The following MAP3K15 variants were observed in gnomAD, a reference collection of about 807,000 sequenced individuals.
MAP3K15 encodes MAPK/ERK kinase kinase 15.
A neutral mutation model predicts 99.5 loss-of-function variants in MAP3K15; 124 were observed. That is an observed-to-expected ratio of 1.25 (90% CI 1.08 to 1.45). MAP3K15 has a LOEUF of 1.45. Among genes scored for constraint, MAP3K15 ranks in the 40% most tolerant of loss-of-function variants. The pLI, the probability that MAP3K15 is intolerant of heterozygous loss-of-function variation, is 0.00. For synonymous variants in MAP3K15, 494 were observed against 439.6 expected, an observed-to-expected ratio of 1.12 and a Z score of -1.55; for missense variants, 1,242 against 1,079.7, an observed-to-expected ratio of 1.15 and a Z score of -2.11.
intron 18 of MAP3K15, among the ~76,000 whole-genome samples, chrX:19,385,980 C>G (rs970116947): frequency 7.1e-5 from 8 of 111,955 alleles, no homozygotes; most frequent in African/African-American, 9.7e-5. Context: ...GAACAGCTAA[C>G]AGAGAGAGAT....
At chrX:19,474,848 T>C (rs184667617) in intron 3 of MAP3K15, among the ~76,000 whole-genome samples, 218 of 111,285 alleles carry the variant, frequency 2.0e-3, no homozygotes, top group Non-Finnish European at 3.2e-3. Context: ...TAATTATATA[T>C]AACTTTAAAA....
chrX:19,372,873 G>T (rs1484280864), intron 21 of MAP3K15, 46 bp from the exon 22 acceptor site: 1 of 1,143,644 alleles, frequency 8.7e-7, no homozygotes, highest in East Asian at 3.0e-5. Context: ...CCGGGGCACT[G>T]TCCCTGGGAG....
rs370305346 is a variant in MAP3K15 at position 19,370,953 on chromosome X, G to A, written c.3400+6C>T. 1.5e-5 allele frequency: 18 copies of A among 1,175,101 alleles called. No individual in the cohort carries two copies. Among genetic ancestry groups the A allele is most frequent in the Middle Eastern group, 2.3e-4 (1 of 4,256 alleles). On this transcript the variant is annotated splice_donor_region_variant and intron_variant, in intron 24 of 28. Transcript: ENST00000338883. ...AGCTGACCTTGACCACAAAGGGGGCGCTCACCTGGGATGAGAATGGTGACC... is the reference window on the plus strand; with the variant it reads ...AGCTGACCTTGACCACAAAGGGGGCACTCACCTGGGATGAGAATGGTGACC...
chrX:19,436,110 C>T (rs1260158259), intron 6 of MAP3K15, among the ~76,000 whole-genome samples: 1 of 105,182 alleles, frequency 9.5e-6, no homozygotes, highest in African/African-American at 3.5e-5. Flanking sequence ...ACCGAGATCG[C>T]ACCATTGTCC....
chrX:19,387,524 C>T (rs1034175406), intron 18 of MAP3K15, among the ~76,000 whole-genome samples: 1 of 110,476 alleles, frequency 9.1e-6, no homozygotes. Flanking sequence ...GTAGCTGAGA[C>T]TACAAGTGCG....
At chrX:19,460,230 C>T in intron 4 of MAP3K15, 77 bp from the exon 5 acceptor site, 2 of 766,848 alleles carry the variant, frequency 2.6e-6, no homozygotes, top group Non-Finnish European at 3.6e-6. Context: ...AAATGGTTCT[C>T]ATTGACCTGA....
At position 19,437,723 on chromosome X, in the gene MAP3K15, G is replaced by C. The variant is rs990255819; in HGVS notation, c.996-6115C>G. Among the ~76,000 whole-genome samples, 4 of 111,532 alleles carry C rather than the reference G, an allele frequency of 3.6e-5. No individual in the cohort carries two copies. The East Asian group carries it at 1.1e-3, about 31-fold the overall frequency. On this transcript the variant is annotated intron_variant, in intron 6 of 28. Coordinates refer to ENST00000338883, the MANE Select transcript of MAP3K15 (RefSeq NM_001001671.4). ...AGAATGCAAGCTCCGAGAGGGTGGAGACTTTTTGGGTCTGATTTGTTAACT... is the reference window on the plus strand; with the variant it reads ...AGAATGCAAGCTCCGAGAGGGTGGACACTTTTTGGGTCTGATTTGTTAACT...
At chrX:19,428,694 T>G (rs1839726070) in intron 7 of MAP3K15, among the ~76,000 whole-genome samples, 1 of 111,915 alleles carries the variant, frequency 8.9e-6, no homozygotes, top group Non-Finnish European at 1.9e-5. Context: ...AGGCCGGGTG[T>G]GGTGGCTCAC....
At chrX:19,361,787 C>T (rs1482230491) in intron 26 of MAP3K15, 194 bp from the exon 27 acceptor site, 2 of 355,600 alleles carry the variant, frequency 5.6e-6, no homozygotes, top group African/African-American at 5.2e-5. Flanking sequence ...AAAGCCTCCT[C>T]ATCTAGGATA....
In MAP3K15 at chrX:19,362,825, CT is replaced by C. The variant is rs1231757389; in HGVS notation, c.3591del (p.Glu1198ArgfsTer12). 1 of 1,129,800 alleles carries C rather than the reference CT, an allele frequency of 8.9e-7. No homozygotes were observed. Among genetic ancestry groups the C allele is most frequent in the Non-Finnish European group, 1.2e-6 (1 of 834,305 alleles). 93.1% of individuals were successfully genotyped at this position (1,129,800 alleles called of 1,213,427 possible). On this transcript the variant is annotated frameshift_variant, in exon 26 of 29. Coordinates refer to ENST00000338883, the MANE Select transcript of MAP3K15 (RefSeq NM_001001671.4). LOFTEE classifies it high-confidence loss of function. ...CGCAGAAGATTCTGGTACTCTCTCT[CT>C]TTTTCAACTAGGTGTTCCAAAAGTC... ...TNRLLEHLVE[K>X]EREYQNLLRQ...
Position 19,360,623 on chromosome X carries a change from A to C in MAP3K15, c.*126T>G. The C allele has an allele frequency of 2.0e-6, 1 of 511,310 alleles. No homozygotes were observed. The highest frequency in any genetic ancestry group is 3.3e-6 in the Non-Finnish European group (1 of 304,107). The allele number at this position is 511,310 out of a possible 1,213,427, so 42.1% of individuals were successfully genotyped here. A position where few individuals can be genotyped will look rare whatever the true frequency, so the allele number is the denominator to read the frequency against. On this transcript the variant is annotated 3_prime_UTR_variant, in exon 29 of 29. Coordinates refer to ENST00000338883, the MANE Select transcript of MAP3K15 (RefSeq NM_001001671.4). ...GGACAGTATTTAAAACAAGTTCTTA[A>C]ACTATTAATTGAACAATGGCATTTT... is the stretch of plus-strand genomic sequence containing the variant.
At chrX:19,437,434 G>A (rs943965822) in intron 6 of MAP3K15, among the ~76,000 whole-genome samples, 47 of 111,229 alleles carry the variant, frequency 4.2e-4, no homozygotes, top group African/African-American at 1.3e-3. Context: ...CCTGTGCCCC[G>A]ATCACCTACT....
chrX:19,443,125 C>G (rs1387808358), intron 6 of MAP3K15, among the ~76,000 whole-genome samples: 1 of 102,151 alleles, frequency 9.8e-6, no homozygotes, highest in Non-Finnish European at 2.0e-5. Context: ...TTCCGCCTCC[C>G]GGGTTCAAGT....
chrX:19,475,678 G>C (rs2064237688), intron 3 of MAP3K15, among the ~76,000 whole-genome samples: 1 of 111,373 alleles, frequency 9.0e-6, no homozygotes, highest in Admixed American at 9.6e-5. Flanking sequence ...CCCAGGAGCA[G>C]AGCATGTCAG....
chrX:19,441,411 C>T (rs1366808363), intron 6 of MAP3K15, among the ~76,000 whole-genome samples: 1 of 109,619 alleles, frequency 9.1e-6, no homozygotes, highest in Admixed American at 9.8e-5. Flanking sequence ...TAAAACTGAT[C>T]GTAGTGATGG....
chrX:19,430,733 C>T (rs1321822967), intron 7 of MAP3K15, among the ~76,000 whole-genome samples: 1 of 110,844 alleles, frequency 9.0e-6, no homozygotes, highest in Admixed American at 9.6e-5. Context: ...TGCTGACCAT[C>T]CTGGAGTGTG....
rs556154486 is a variant in MAP3K15, at chrX:19,456,446, G to T, written c.995+467C>A. ...AAACTCATCTATGGAGACAGAGGCT[G>T]TAACAGTGGTCACCTATGGAGGGGT... On this transcript the variant is annotated intron_variant, in intron 6 of 28. Coordinates refer to ENST00000338883, the MANE Select transcript of MAP3K15 (RefSeq NM_001001671.4). Among the ~76,000 whole-genome samples the T allele has an allele frequency of 1.8e-4, 20 of 112,455 alleles. No individual in the cohort carries two copies. The South Asian group carries it at 7.4e-3, about 42-fold the overall frequency.
chrX:19,384,774 A>G (rs867591573), intron 18 of MAP3K15, among the ~76,000 whole-genome samples: 1 of 102,344 alleles, frequency 9.8e-6, no homozygotes, highest in African/African-American at 3.9e-5. Flanking sequence ...AAAAAAAAAA[A>G]AAAAAACTGT....
At chrX:19,406,692 G>A (rs1427451411) in intron 13 of MAP3K15, among the ~76,000 whole-genome samples, 1 of 112,577 alleles carries the variant, frequency 8.9e-6, no homozygotes, top group Non-Finnish European at 1.9e-5. Flanking sequence ...ACTAAAAAAT[G>A]CTGAATGTTA....
Sources: allele counts gnomAD v4.1 joint callset (sites outside exome capture counted in the v4.1 genomes callset), GRCh38; gene constraint gnomAD v4.1.1; transcripts MANE v1.5; gene names NCBI Gene and HGNC (gene_info 2026-07-23, HGNC 2026-07-21).